SNTG2: variants seen among roughly 807,000 people sequenced by gnomAD.
The protein encoded by SNTG2 is gamma-2-syntrophin.
Under a neutral mutation model 70.9 loss-of-function variants are expected in SNTG2, and 74 were observed. The observed-to-expected ratio is 1.04, with a 90% confidence interval of 0.86 to 1.27. SNTG2 has a LOEUF of 1.27. Ranked by LOEUF, SNTG2 falls within the 50% of genes most tolerant of loss-of-function variation. The pLI, the probability that SNTG2 is intolerant of heterozygous loss-of-function variation, is 0.00. For missense variants in SNTG2, 717 were observed against 690.7 expected, an observed-to-expected ratio of 1.04 and a Z score of -0.43; for synonymous variants, 278 against 273.8, an observed-to-expected ratio of 1.02 and a Z score of -0.15.
intron 1 of SNTG2, among the ~76,000 whole-genome samples, chr2:1,046,252 G>A (rs748781026): frequency 4.6e-5 from 7 of 152,038 alleles, no homozygotes; most frequent in East Asian, 3.9e-4. Context: ...GCCTATGGAC[G>A]TCCTTGAATG....
chr2:1,316,232 T>A (rs1681272391), intron 15 of SNTG2, 33 bp from the exon 16 acceptor site: 1 of 1,090,624 alleles, frequency 9.2e-7, no homozygotes. Context: ...AGCTCTTGTT[T>A]AGAAATCGCT....
intron 1 of SNTG2, among the ~76,000 whole-genome samples, chr2:1,020,484 C>G (rs1318475441): frequency 1.3e-5 from 2 of 152,220 alleles, no homozygotes; most frequent in Non-Finnish European, 2.9e-5. Flanking sequence ...TGAAAACCCA[C>G]TCAGCATCTG....
intron 4 of SNTG2, among the ~76,000 whole-genome samples, chr2:1,113,962 C>G (rs899270842): frequency 3.3e-5 from 5 of 151,512 alleles, no homozygotes; most frequent in African/African-American, 1.2e-4. Flanking sequence ...AAGTTTAACC[C>G]TTACAGTCCT....
chr2:1,289,999 T>C (rs1000642704), intron 14 of SNTG2, among the ~76,000 whole-genome samples: 3 of 152,248 alleles, frequency 2.0e-5, no homozygotes, highest in African/African-American at 7.2e-5. Flanking sequence ...TATTCCATTG[T>C]ATGGATATAA....
At chr2:1,309,339 A>G (rs990931798) in intron 15 of SNTG2, among the ~76,000 whole-genome samples, 5 of 152,314 alleles carry the variant, frequency 3.3e-5, no homozygotes, top group Non-Finnish European at 5.9e-5. Flanking sequence ...TGAATTGGTC[A>G]TTGAATCTGT....
At chr2:1,325,701 T>A (rs1681729284) in intron 16 of SNTG2, among the ~76,000 whole-genome samples, 1 of 152,202 alleles carries the variant, frequency 6.6e-6, no homozygotes, top group Admixed American at 6.5e-5. Context: ...AGTGAAACAA[T>A]AATTGCCTGT....
At chr2:1,307,312 T>TTGTGTG (rs142934963) in intron 14 of SNTG2, among the ~76,000 whole-genome samples, 6 of 139,850 alleles carry the variant, frequency 4.3e-5, no homozygotes, top group Non-Finnish European at 7.8e-5. Context: ...CAGCCCTGCA[T>TTGTGTG]TGTGTGTGTG....
intron 1 of SNTG2, among the ~76,000 whole-genome samples, chr2:974,501 T>C (rs1018657325): frequency 6.6e-6 from 1 of 152,226 alleles, no homozygotes; most frequent in Non-Finnish European, 1.5e-5. Context: ...GACCCCTGCA[T>C]GCAGGAGCTG....
intron 1 of SNTG2, among the ~76,000 whole-genome samples, chr2:1,006,033 T>C (rs896324796): frequency 9.3e-5 from 14 of 150,748 alleles, no homozygotes; most frequent in African/African-American, 3.4e-4. Context: ...ACTCTGGAAA[T>C]TGGAAATCAT....
At chr2:1,090,733 G>A (rs927434269) in intron 2 of SNTG2, among the ~76,000 whole-genome samples, 3 of 152,076 alleles carry the variant, frequency 2.0e-5, no homozygotes, top group Non-Finnish European at 2.9e-5. Flanking sequence ...TTTGGGAGGG[G>A]CCGCATGCAC....
chr2:1,315,319 G>T (rs1681223066), intron 15 of SNTG2, among the ~76,000 whole-genome samples: 1 of 152,156 alleles, frequency 6.6e-6, no homozygotes, highest in Non-Finnish European at 1.5e-5. Flanking sequence ...CTAGCGTGTG[G>T]GCGGGAAATA....
chr2:985,320 G>A (rs1027143396), intron 1 of SNTG2, among the ~76,000 whole-genome samples: 3 of 152,092 alleles, frequency 2.0e-5, no homozygotes, highest in Non-Finnish European at 4.4e-5. Flanking sequence ...TTAGAAACTG[G>A]TGAGAAAACG....
At chr2:1,015,270 C>T (rs957288492) in intron 1 of SNTG2, among the ~76,000 whole-genome samples, 1 of 151,936 alleles carries the variant, frequency 6.6e-6, no homozygotes, top group Admixed American at 6.6e-5. Flanking sequence ...GATTCAATGT[C>T]TAGTTAAAGG....
intron 4 of SNTG2, among the ~76,000 whole-genome samples, chr2:1,132,539 CAA>C (rs144938993): frequency 0.026 from 3,965 of 152,242 alleles, 70 homozygotes; most frequent in Non-Finnish European, 0.039. Context: ...GATTATGTGT[CAA>C]AAGATCATGT....
At chr2:1,329,663 A>G (rs901446589) in intron 16 of SNTG2, among the ~76,000 whole-genome samples, 1 of 152,212 alleles carries the variant, frequency 6.6e-6, no homozygotes, top group Non-Finnish European at 1.5e-5. Context: ...TCTTTCCTTC[A>G]TGTGTTCTTA....
chr2:1,360,087 G>A (rs1291798713), intron 16 of SNTG2, among the ~76,000 whole-genome samples: 3 of 152,064 alleles, frequency 2.0e-5, no homozygotes, highest in Admixed American at 2.0e-4. Flanking sequence ...ATGATTGAAA[G>A]AAGTTATCTG....
chr2:1,179,913 T>C (rs12471075), intron 8 of SNTG2, among the ~76,000 whole-genome samples: 24,157 of 114,288 alleles, frequency 0.21, 2,784 homozygotes, highest in East Asian at 0.51. Flanking sequence ...AATAATGCCG[T>C]GTATCTACAA....
At position 1,248,733 on chromosome 2, in the gene SNTG2, C is replaced by T. The variant is rs78158071; in HGVS notation, c.1005+1290C>T. ...AAGACTCGGAGGAGGTGGCTGGCAC[C>T]GCATGTACCCAACCTGGACCACGTA... is the stretch of plus-strand genomic sequence containing the variant. On this transcript the variant is annotated intron_variant, in intron 12 of 16. Transcript: ENST00000308624. 7.2e-3 allele frequency among the ~76,000 whole-genome samples: 1,099 copies of T among 152,232 alleles called. 14 individuals carry two copies. Among genetic ancestry groups the T allele is most frequent in the African/African-American group, 0.024 (1,008 of 41,536 alleles).
chr2:1,201,096 C>T (rs1022000570), intron 8 of SNTG2, among the ~76,000 whole-genome samples: 2 of 151,926 alleles, frequency 1.3e-5, no homozygotes, highest in African/African-American at 4.8e-5. Flanking sequence ...TACCTGTACC[C>T]ACATGTTTAT....
Sources: allele counts gnomAD v4.1 joint callset (sites outside exome capture counted in the v4.1 genomes callset), GRCh38; gene constraint gnomAD v4.1.1; transcripts MANE v1.5; gene names NCBI Gene and HGNC (gene_info 2026-07-23, HGNC 2026-07-21).